COL11A1: variants seen among roughly 807,000 people sequenced by gnomAD.
COL11A1 encodes the protein collagen alpha-1(XI) chain.
A neutral mutation model predicts 265.2 loss-of-function variants in COL11A1; 74 were observed. The ratio of observed to expected loss-of-function variants is 0.28; its 90% CI spans 0.23 to 0.34. COL11A1 has a LOEUF of 0.34. Ranked by LOEUF, COL11A1 falls within the 10% of genes least tolerant of loss-of-function variation. The probability of loss-of-function intolerance (pLI) is 1.00; values close to 1 mark genes in which losing one functional copy is unlikely to be tolerated. For missense variants in COL11A1, 2,165 were observed against 2,263.6 expected (o/e 0.96, Z 0.88); for synonymous variants, 816 against 727.6 (o/e 1.12, Z -1.96).
chr1:102,992,252 G>T (rs1041833562), intron 28 of COL11A1, among the ~76,000 whole-genome samples: 2 of 151,974 alleles, frequency 1.3e-5, no homozygotes, highest in Admixed American at 1.3e-4. Flanking sequence ...AAGTTATTAA[G>T]ATTTCTAGTA....
chr1:102,969,478 A>G (rs1333772674), intron 37 of COL11A1, among the ~76,000 whole-genome samples: 1 of 152,190 alleles, frequency 6.6e-6, no homozygotes, highest in Non-Finnish European at 1.5e-5. Context: ...ATGCCAATCC[A>G]TGATGATTTC....
chr1:103,073,466 A>G (rs1671734842), intron 4 of COL11A1, among the ~76,000 whole-genome samples: 1 of 151,796 alleles, frequency 6.6e-6, no homozygotes, highest in South Asian at 2.1e-4. Flanking sequence ...GCATGCAATC[A>G]GTGTTGGATA....
intron 37 of COL11A1, among the ~76,000 whole-genome samples, chr1:102,965,826 A>G (rs1661350461): frequency 6.6e-6 from 1 of 152,178 alleles, no homozygotes. Flanking sequence ...GTCAAACAAC[A>G]TACAGAATTT....
chr1:102,970,336 G>T, intron 36 of COL11A1, 64 bp from the exon 37 acceptor site: 1 of 1,299,396 alleles, frequency 7.7e-7, no homozygotes, highest in South Asian at 1.3e-5. Context: ...GTCTAAATGT[G>T]ACATGTTAGA....
Position 102,997,023 on chromosome 1 carries a change from G to A in COL11A1, c.2241+57C>T. The A allele has an allele frequency of 1.6e-5, 23 of 1,432,590 alleles. No individual in the cohort carries two copies. The South Asian group carries it at 2.5e-4, about 16-fold the overall frequency. The allele number at this position is 1,432,590 out of a possible 1,614,324, so 88.7% of individuals were successfully genotyped here. A position where few individuals can be genotyped will look rare whatever the true frequency, so the allele number is the denominator to read the frequency against. On this transcript the variant is annotated intron_variant, in intron 26 of 66. Coordinates refer to ENST00000370096, the MANE Select transcript of COL11A1 (RefSeq NM_001854.4). ...ATATATATGAGATGACCAAATTAAG[G>A]CATTTTCTCTTGGAAATTTATTAAT...
At chr1:102,927,179 T>C (rs1032424550) in intron 46 of COL11A1, among the ~76,000 whole-genome samples, 1 of 152,144 alleles carries the variant, frequency 6.6e-6, no homozygotes, top group South Asian at 2.1e-4. Flanking sequence ...TCAATTTACA[T>C]AGGCTTTTCT....
At chr1:102,929,409 C>T (rs139089177) in intron 46 of COL11A1, among the ~76,000 whole-genome samples, 9,796 of 151,720 alleles carry the variant, frequency 0.065, 392 homozygotes, top group Non-Finnish European at 0.092. Flanking sequence ...TGTAGATATG[C>T]GGCATTATTT....
chr1:102,949,084 T>C (rs1359893491), intron 41 of COL11A1, among the ~76,000 whole-genome samples: 1 of 151,886 alleles, frequency 6.6e-6, no homozygotes, highest in Admixed American at 6.6e-5. Context: ...AAGAAAAAAG[T>C]CAGTAATAAA....
intron 2 of COL11A1, among the ~76,000 whole-genome samples, chr1:103,080,398 G>A (rs12130848): frequency 0.09 from 13,625 of 151,718 alleles, 729 homozygotes; most frequent in African/African-American, 0.15. Flanking sequence ...TTTAGAACAG[G>A]AGAAAATATT....
intron 11 of COL11A1, among the ~76,000 whole-genome samples, chr1:103,017,438 G>A (rs1004020069): frequency 1.1e-4 from 16 of 151,910 alleles, no homozygotes; most frequent in Admixed American, 5.3e-4. Flanking sequence ...TGTAACCCAG[G>A]GTTTGATCCT....
At position 102,900,591 on chromosome 1, in the gene COL11A1, T is replaced by A. The variant is rs577610947; in HGVS notation, c.4087-1597A>T. Among the ~76,000 whole-genome samples the A allele has an allele frequency of 2.9e-3, 447 of 152,218 alleles. 6 individuals are homozygous for A. Among genetic ancestry groups the A allele is most frequent in the Admixed American group, 3.4e-3 (52 of 15,298 alleles). ...GCATTTACAAACATGAAGTTTATAGTAGAAAAGATATATCAATACATGGCT... is the reference window on the plus strand; with the variant it reads ...GCATTTACAAACATGAAGTTTATAGAAGAAAAGATATATCAATACATGGCT... On this transcript the variant is annotated intron_variant, in intron 54 of 66. Transcript: ENST00000370096.
At chr1:102,878,261 TGA>T (rs1426274580) in intron 66 of COL11A1, 96 bp from the exon 67 acceptor site, 14 of 1,125,984 alleles carry the variant, frequency 1.2e-5, no homozygotes, top group South Asian at 4.4e-5. Flanking sequence ...GGTAAGAAGC[TGA>T]GAGAGAAGAG....
At chr1:102,920,512 G>C in intron 48 of COL11A1, 148 bp from the exon 49 acceptor site, 1 of 683,614 alleles carries the variant, frequency 1.5e-6, no homozygotes. Context: ...ATGCTTAATA[G>C]AATTGTCAAA....
chr1:102,938,922 G>A (rs1658427844), intron 44 of COL11A1, 113 bp downstream of exon 44: 2 of 848,104 alleles, frequency 2.4e-6, no homozygotes, highest in African/African-American at 1.7e-5. Context: ...ATGTAGTATT[G>A]GTATTATAAG....
chr1:102,975,382 G>T (rs1259448565), intron 35 of COL11A1, among the ~76,000 whole-genome samples: 2 of 151,680 alleles, frequency 1.3e-5, no homozygotes, highest in African/African-American at 2.4e-5. Context: ...AAAGACCACA[G>T]AAGATGCCTT....
intron 41 of COL11A1, among the ~76,000 whole-genome samples, chr1:102,959,769 T>C (rs74410477): frequency 0.012 from 1,859 of 152,304 alleles, 44 homozygotes; most frequent in African/African-American, 0.042. Flanking sequence ...TTGAAAATTG[T>C]ATCCCCTGGA....
chr1:103,096,501 A>G (rs1558052289), intron 1 of COL11A1, among the ~76,000 whole-genome samples: 1 of 151,972 alleles, frequency 6.6e-6, no homozygotes, highest in Non-Finnish European at 1.5e-5. Flanking sequence ...AGTTTTGGGT[A>G]TACTAAATGT....
At chr1:102,968,759 A>C (rs528233149) in intron 37 of COL11A1, among the ~76,000 whole-genome samples, 18 of 152,302 alleles carry the variant, frequency 1.2e-4, no homozygotes, top group African/African-American at 4.1e-4. Context: ...TTATCTGTGA[A>C]AAGCTACAAA....
intron 54 of COL11A1, among the ~76,000 whole-genome samples, chr1:102,902,141 G>C (rs1653285612): frequency 6.6e-6 from 1 of 152,156 alleles, no homozygotes; most frequent in African/African-American, 2.4e-5. Flanking sequence ...TCACGTGCAT[G>C]CTTAAAGGAA....
Sources: allele counts gnomAD v4.1 joint callset (sites outside exome capture counted in the v4.1 genomes callset), GRCh38; gene constraint gnomAD v4.1.1; transcripts MANE v1.5; gene names NCBI Gene and HGNC (gene_info 2026-07-23, HGNC 2026-07-21).